The following SPRY1 variants were observed in gnomAD, a reference collection of about 807,000 sequenced individuals.
SPRY1 encodes sprouty RTK signaling antagonist 1, also known as protein sprouty homolog 1.
In SPRY1, 20 loss-of-function variants were observed where a neutral mutation model predicts 22.6. The ratio of observed to expected loss-of-function variants is 0.89; its 90% confidence interval spans 0.62 to 1.29. SPRY1 has a LOEUF of 1.29. SPRY1 is among the 50% of genes most tolerant of loss of function. The pLI is 0.00. For missense variants in SPRY1, 446 were observed against 387.7 expected, an observed-to-expected ratio of 1.15 and a Z score of -1.26; for synonymous variants, 155 against 144.7, an observed-to-expected ratio of 1.07 and a Z score of -0.51.
chr4:123,402,339 C>G lies in SPRY1; in HGVS notation c.748C>G (p.Gln250Glu). The change falls in exon 3 of 3, where the codon CAA (glutamine) becomes GAA (glutamate). Residue 250 changes from glutamine (Q) to glutamate (E), a missense_variant. Transcript: ENST00000651917. ...TTCAGATAATCCTTGCTCCTGTTCA[C>G]AATCACACTGCTGCTCTAGATACCT... The part of the protein sequence containing the change: ...SYSDNPCSCS[Q>E]SHCCSRYLCM... 1 of 1,614,230 alleles carries G rather than the reference C, an allele frequency of 6.2e-7. No individual in the cohort carries two copies. The highest frequency in any genetic ancestry group is 1.1e-5 in the South Asian group (1 of 91,088).
rs1325973511 is a variant in SPRY1 at position 123,403,349 on chromosome 4, T to C, written c.*798T>C. The C allele has an allele frequency of 6.0e-6, 1 of 167,128 alleles. No individual in the cohort carries two copies. Among genetic ancestry groups the C allele is most frequent in the East Asian group, 1.9e-4 (1 of 5,192 alleles). The allele number at this position is 167,128 out of a possible 1,614,324, so 10.4% of individuals were successfully genotyped here. A position where few individuals can be genotyped will look rare whatever the true frequency, so the allele number is the denominator to read the frequency against. ...AGGGCACTTGGATAACTCAAGTTGA[T>C]ATTTATAGCTGATCAATCTATATGT... is the stretch of plus-strand genomic sequence containing the variant. On this transcript the variant is annotated 3_prime_UTR_variant, in exon 3 of 3. Transcript: ENST00000651917.
chr4:123,402,894 A>G lies in SPRY1; in HGVS notation c.*343A>G. 1 of 446,948 alleles carries G rather than the reference A, an allele frequency of 2.2e-6. No homozygotes were observed. The highest frequency in any genetic ancestry group is 4.1e-6 in the Non-Finnish European group (1 of 245,418). The allele number at this position is 446,948 out of a possible 1,614,324, so 27.7% of individuals were successfully genotyped here. A position where few individuals can be genotyped will look rare whatever the true frequency, so the allele number is the denominator to read the frequency against. On this transcript the variant is annotated 3_prime_UTR_variant, in exon 3 of 3. Transcript: ENST00000651917. ...ACCCACATCCAGACTACAGTGATTT[A>G]GAGTTGTTTTGATTGGGTACCGTGG... is the stretch of plus-strand genomic sequence containing the variant.
chr4:123,402,109 A>G lies in SPRY1; in HGVS notation c.518A>G (p.Asp173Gly), dbSNP rs750092496. 8 of 1,614,064 alleles carry G rather than the reference A, an allele frequency of 5.0e-6. No homozygotes were observed. In the East Asian group the frequency reaches 1.1e-4, roughly 22 times the overall value. Residue 173 changes from aspartate to glycine, a missense_variant, in exon 3 of 3, where the codon GAC becomes GGC. Asp to Gly is a moderately conservative substitution (Grantham distance 94, BLOSUM62 -1). Coordinates refer to ENST00000651917, the MANE Select transcript of SPRY1 (RefSeq NM_001258038.2). ...GACTTGAAGGGTTCCTTGAAAGAGG[A>G]CCTGACACAGCACAAGTTCATTTGT... ...VDDLKGSLKE[D>G]LTQHKFICEQ...
Position 123,402,386 on chromosome 4 carries a change from A to AT in SPRY1, c.800dup (p.Leu267PhefsTer11). On this transcript the variant is annotated frameshift_variant, in exon 3 of 3. Transcript: ENST00000651917. LOFTEE classifies it high-confidence loss of function. ...ACCTGTGTATGGGAGCCATGTCTTT[A>AT]TTTTTACCTTGCTTACTCTGTTATC... is the stretch of plus-strand genomic sequence containing the variant. 6.2e-7 allele frequency: 1 copy of AT among 1,614,116 alleles called. No individual in the cohort carries two copies.
At chr4:123,400,773 T>G (rs968300100) in intron 2 of SPRY1, among the ~76,000 whole-genome samples, 3 of 152,202 alleles carry the variant, frequency 2.0e-5, no homozygotes, top group Non-Finnish European at 4.4e-5. Flanking sequence ...TACTTTGTTT[T>G]GTGAGTGAGC....
chr4:123,397,846 AAAAG>A lies in SPRY1; in HGVS notation c.-62_-59del, dbSNP rs1348955323. On this transcript the variant is annotated 5_prime_UTR_variant, in exon 2 of 3. Transcript: ENST00000651917. ...CTCCTCCCCGCTAAAAAAAAAAAAA[AAAAG>A]AAAAGGGTAAAAAAATCCCCCTCCC... 46 of 151,122 alleles carry A rather than the reference AAAAG, an allele frequency of 3.0e-4. 1 individual carries two copies. Among genetic ancestry groups the A allele is most frequent in the African/African-American group, 7.0e-4 (29 of 41,234 alleles). The allele number at this position is 151,122 out of a possible 1,614,324, so 9.4% of individuals were successfully genotyped here. A position where few individuals can be genotyped will look rare whatever the true frequency, so the allele number is the denominator to read the frequency against.
At position 123,402,568 on chromosome 4, in the gene SPRY1, G is replaced by A. The variant is rs778182939; in HGVS notation, c.*17G>A. 12 of 1,580,152 alleles carry A rather than the reference G, an allele frequency of 7.6e-6. No individual in the cohort carries two copies. The highest frequency in any genetic ancestry group is 1.0e-5 in the Non-Finnish European group (12 of 1,161,654). On this transcript the variant is annotated 3_prime_UTR_variant, in exon 3 of 3. Coordinates refer to ENST00000651917, the MANE Select transcript of SPRY1 (RefSeq NM_001258038.2). ...CCATCATGATTTTTGGAGGTGGGTTGTACCTCCTGAACTTTTAGCTTTCAA... is the reference window on the plus strand; with the variant it reads ...CCATCATGATTTTTGGAGGTGGGTTATACCTCCTGAACTTTTAGCTTTCAA...
chr4:123,398,759 G>GT (rs1427863614), intron 2 of SPRY1, among the ~76,000 whole-genome samples: 9 of 152,116 alleles, frequency 5.9e-5, no homozygotes, highest in Admixed American at 3.9e-4. Context: ...GCTGCGGAAC[G>GT]TAACAGGACA....
chr4:123,399,957 A>T (rs1725083046), intron 2 of SPRY1: 1 of 152,006 alleles, frequency 6.6e-6, no homozygotes, highest in Non-Finnish European at 1.5e-5. Context: ...TGGCAACTTT[A>T]TTTCCCAGCC....
chr4:123,401,256 G>A (rs763808650), intron 2 of SPRY1, among the ~76,000 whole-genome samples: 1 of 152,106 alleles, frequency 6.6e-6, no homozygotes. Context: ...TCACAAACAG[G>A]AAGGCATTAC....
intron 2 of SPRY1, chr4:123,399,627 G>A (rs1725067468): frequency 6.6e-6 from 1 of 152,254 alleles, no homozygotes; most frequent in South Asian, 2.1e-4. Context: ...TTCCTTTAAA[G>A]CATAGACAAA....
intron 1 of SPRY1, 88 bp downstream of exon 1, chr4:123,397,020 G>A (rs1724941244): frequency 6.6e-6 from 1 of 152,200 alleles, no homozygotes; most frequent in African/African-American, 2.4e-5. Context: ...TTATTTATTT[G>A]AACTTGCTTT....
chr4:123,401,795 A>T lies in SPRY1; in HGVS notation c.204A>T (p.Ala68=), dbSNP rs1266309666. Residue 68 remains alanine (A), a synonymous_variant, in exon 3 of 3, where the codon GCA becomes GCT. Transcript: ENST00000651917. ...SVVKRPAPRT[A]PRQEKHERTH... ...TGAAAAGACCTGCTCCTCGGACAGC[A>T]CCAAGACAAGAAAAGCATGAAAGGA... 1.2e-6 allele frequency: 2 copies of T among 1,614,248 alleles called. No homozygotes were observed. Among genetic ancestry groups the T allele is most frequent in the South Asian group, 2.2e-5 (2 of 91,086 alleles).
chr4:123,397,104 A>G (rs1036109324), intron 1 of SPRY1, among the ~76,000 whole-genome samples, 172 bp downstream of exon 1: 6 of 152,210 alleles, frequency 3.9e-5, no homozygotes, highest in African/African-American at 1.4e-4. Context: ...TCTTAAAGTA[A>G]ATGCTACCGC....
chr4:123,399,655 C>G (rs1725069286), intron 2 of SPRY1: 1 of 152,256 alleles, frequency 6.6e-6, no homozygotes, highest in South Asian at 2.1e-4. Flanking sequence ...TTAGGGTCAG[C>G]CAGACCGTGG....
In SPRY1 at chr4:123,396,909, A is replaced by G. The variant is rs1411722255; in HGVS notation, c.-325A>G. The G allele has an allele frequency of 2.0e-5, 3 of 152,258 alleles. No homozygotes were observed. The highest frequency in any genetic ancestry group is 3.8e-4 in the East Asian group (2 of 5,196). 9.4% of individuals were successfully genotyped at this position (152,258 alleles called of 1,614,324 possible). A position where few individuals can be genotyped will look rare whatever the true frequency, so the allele number is the denominator to read the frequency against. On this transcript the variant is annotated 5_prime_UTR_variant, in exon 1 of 3. Coordinates refer to ENST00000651917, the MANE Select transcript of SPRY1 (RefSeq NM_001258038.2). Reference sequence around the variant, plus strand: ...CAGTCGCTGTTAAATGTGCCTGAAAAGCAATTTGCAATCTTTGCATTAGGT... The same window carrying G: ...CAGTCGCTGTTAAATGTGCCTGAAAGGCAATTTGCAATCTTTGCATTAGGT...
intron 2 of SPRY1, chr4:123,399,392 G>T (rs1405580401): frequency 6.6e-6 from 1 of 152,290 alleles, no homozygotes; most frequent in African/African-American, 2.4e-5. Flanking sequence ...AAAAAGTGGG[G>T]AAGTCCGCCC....
chr4:123,401,938 G>T lies in SPRY1; in HGVS notation c.347G>T (p.Ser116Ile). Reference protein sequence around the residue: ...ARGPILSRSTSTGSAASSGSN... With the variant: ...ARGPILSRSTITGSAASSGSN... ...GGCCCCATTTTGAGCAGATCAACCA[G>T]CACTGGAAGTGCAGCCAGCTCTGGG... is the stretch of plus-strand genomic sequence containing the variant. The change falls in exon 3 of 3, where the codon AGC (serine) becomes ATC (isoleucine). Residue 116 changes from serine (S) to isoleucine (I), a missense_variant. Transcript: ENST00000651917. The T allele has an allele frequency of 6.2e-7, 1 of 1,614,192 alleles. No individual in the cohort carries two copies. Among genetic ancestry groups the T allele is most frequent in the Non-Finnish European group, 8.5e-7 (1 of 1,180,044 alleles).
chr4:123,397,283 C>G (rs1724948725), intron 1 of SPRY1, among the ~76,000 whole-genome samples: 1 of 152,208 alleles, frequency 6.6e-6, no homozygotes. Flanking sequence ...TTGTTGGCGA[C>G]CGAATCCCGA....
Sources: gnomAD v4.1 joint callset for allele counts (sites outside exome capture counted in the v4.1 genomes callset) on GRCh38, gnomAD v4.1.1 for gene constraint, MANE v1.5 for transcripts, NCBI Gene and HGNC (gene_info 2026-07-23, HGNC 2026-07-21) for gene names.